CLASP1: variants seen among roughly 807,000 people sequenced by gnomAD.
CLASP1 encodes CLIP-associating protein 1.
Under a neutral mutation model 192.3 loss-of-function variants are expected in CLASP1, and 38 were observed. That is an observed-to-expected ratio of 0.20 (90% CI 0.15 to 0.26). CLASP1 has a LOEUF of 0.26. Among genes scored for constraint, CLASP1 ranks in the 10% least tolerant of loss-of-function variants. The pLI, the probability that CLASP1 is intolerant of heterozygous loss-of-function variation, is 1.00. For missense variants in CLASP1, 1,433 were observed against 1,932.5 expected, an observed-to-expected ratio of 0.74 and a Z score of 4.85; for synonymous variants, 691 against 712.8, an observed-to-expected ratio of 0.97 and a Z score of 0.49.
intron 2 of CLASP1, chr2:121,531,040 A>C (rs374980404): frequency 3.0e-5 from 21 of 699,036 alleles, no homozygotes; most frequent in South Asian, 5.9e-5. Context: ...TTATCAGTTC[A>C]AACAGCAGTA....
At chr2:121,427,285 C>T (rs2080574157) in intron 21 of CLASP1, 119 bp downstream of exon 21, 1 of 1,256,760 alleles carries the variant, frequency 8.0e-7, no homozygotes, top group East Asian at 2.6e-5. Flanking sequence ...AAGAAAAACG[C>T]AGAAAGATTA....
intron 1 of CLASP1, among the ~76,000 whole-genome samples, chr2:121,615,507 C>A (rs1036019590): frequency 6.6e-6 from 1 of 151,830 alleles, no homozygotes; most frequent in Non-Finnish European, 1.5e-5. Flanking sequence ...GTTAAAAAAA[C>A]AAAAACAGGT....
At position 121,382,441 on chromosome 2, in the gene CLASP1, T is replaced by C; in HGVS notation, c.3375-117A>G. 7.5e-6 allele frequency: 5 copies of C among 665,404 alleles called. No homozygotes were observed. The South Asian group carries it at 1.1e-4, about 14-fold the overall frequency. The allele number at this position is 665,404 out of a possible 1,614,324, so 41.2% of individuals were successfully genotyped here. A position where few individuals can be genotyped will look rare whatever the true frequency, so the allele number is the denominator to read the frequency against. ...CTCTTCTTTCCTTGACAAAGTTCTA[T>C]TAAAGTTAATCAGAGCAAAATTAGC... On this transcript the variant is annotated intron_variant, in intron 32 of 39. Transcript: ENST00000263710.
At chr2:121,395,917 A>G (rs568576885) in intron 30 of CLASP1, among the ~76,000 whole-genome samples, 435 of 152,354 alleles carry the variant, frequency 2.9e-3, no homozygotes, top group African/African-American at 9.6e-3. Context: ...TGCAAGAACC[A>G]GATCAAGACT....
chr2:121,515,674 G>T, exon 7 of CLASP1: 1 of 1,613,762 alleles, frequency 6.2e-7, no homozygotes, highest in Non-Finnish European at 8.5e-7. Flanking sequence ...CCGGGACTGT[G>T]GCAATCCTTT....
rs578104690 is a variant in CLASP1, at chr2:121,531,519, C to CG, written c.196-1195dup. Among the ~76,000 whole-genome samples, 903 of 145,138 alleles carry CG rather than the reference C, an allele frequency of 6.2e-3. 5 individuals are homozygous for CG. Among genetic ancestry groups the CG allele is most frequent in the Admixed American group, 0.01 (147 of 14,384 alleles). On this transcript the variant is annotated intron_variant, in intron 2 of 39. Coordinates refer to ENST00000263710, the Ensembl canonical transcript of CLASP1. ...CTGAGGCAGGAGAATGGCGTGAATCCGGGGGGGTGGAGCCTGCAGTGAGCA... is the reference window on the plus strand; with the variant it reads ...CTGAGGCAGGAGAATGGCGTGAATCCGGGGGGGGTGGAGCCTGCAGTGAGCA...
intron 6 of CLASP1, among the ~76,000 whole-genome samples, chr2:121,525,636 A>G (rs546699785): frequency 2.0e-5 from 3 of 152,266 alleles, no homozygotes; most frequent in Non-Finnish European, 4.4e-5. Context: ...TGGCCACCAC[A>G]TTTACCAATT....
At chr2:121,575,623 A>T (rs2060440794) in intron 2 of CLASP1, among the ~76,000 whole-genome samples, 1 of 152,194 alleles carries the variant, frequency 6.6e-6, no homozygotes, top group Non-Finnish European at 1.5e-5. Flanking sequence ...CAAACCAGGA[A>T]GCAAAGGCTC....
chr2:121,634,366 G>A (rs1026717992), intron 1 of CLASP1, among the ~76,000 whole-genome samples: 2 of 152,190 alleles, frequency 1.3e-5, no homozygotes, highest in East Asian at 3.9e-4. Context: ...TTTAATGTCA[G>A]CAGTTTCTTT....
At chr2:121,647,039 CA>C (rs36066876) in intron 1 of CLASP1, among the ~76,000 whole-genome samples, 24,899 of 71,834 alleles carry the variant, frequency 0.35, 2,592 homozygotes, top group African/African-American at 0.49. Context: ...GACTCCATCT[CA>C]AAAAAAAAAA....
intron 1 of CLASP1, among the ~76,000 whole-genome samples, chr2:121,622,269 T>C (rs2067492372): frequency 6.6e-6 from 1 of 152,072 alleles, no homozygotes; most frequent in South Asian, 2.1e-4. Flanking sequence ...TGATGTTTTA[T>C]AGTTCAGAAT....
intron 1 of CLASP1, among the ~76,000 whole-genome samples, chr2:121,607,315 G>C (rs1050551384): frequency 1.3e-5 from 2 of 152,282 alleles, no homozygotes; most frequent in East Asian, 3.9e-4. Flanking sequence ...CTCCAGCCTG[G>C]GTGACAGAGC....
Position 121,365,112 on chromosome 2 carries a change from C to T in CLASP1, c.4059G>A (p.Glu1353=), listed in dbSNP as rs547788388. ...ATCTCACGTCTTTGTCTCCAAGGGT[C>T]TCCAGCAGCAGGAGCAGAATGGTCT... Residue 1353 remains glutamate (E), a synonymous_variant, in exon 36 of 40, where the codon GAG becomes GAA. Transcript: ENST00000263710. 3.2e-5 allele frequency: 52 copies of T among 1,613,998 alleles called. No individual in the cohort carries two copies. The South Asian group carries it at 4.8e-4, about 15-fold the overall frequency.
chr2:121,608,871 C>CAAT (rs947739860), intron 1 of CLASP1, among the ~76,000 whole-genome samples: 9 of 151,696 alleles, frequency 5.9e-5, no homozygotes, highest in Admixed American at 2.0e-4. Flanking sequence ...AGATACTAAC[C>CAAT]AATAATAATA....
intron 2 of CLASP1, among the ~76,000 whole-genome samples, chr2:121,558,662 T>C (rs1268598061): frequency 6.6e-6 from 1 of 152,170 alleles, no homozygotes. Flanking sequence ...GAGGTGGCCC[T>C]TTGACTCTGG....
chr2:121,374,189 T>C (rs1343576114), intron 34 of CLASP1, among the ~76,000 whole-genome samples: 1 of 152,246 alleles, frequency 6.6e-6, no homozygotes, highest in South Asian at 2.1e-4. Flanking sequence ...GCTCCAGCTA[T>C]GGCTAAAAGG....
At position 121,388,377 on chromosome 2, in the gene CLASP1, C is replaced by T. The variant is rs1019148139; in HGVS notation, c.3124-471G>A. Among the ~76,000 whole-genome samples, 4 of 152,112 alleles carry T rather than the reference C, an allele frequency of 2.6e-5. No individual in the cohort carries two copies. In the South Asian group the frequency reaches 6.2e-4, roughly 24 times the overall value. ...CTCTTGACTAAGAAACATGAGAAAA[C>T]GAGTATAAATACCTCAGAAAAACTT... On this transcript the variant is annotated intron_variant, in intron 30 of 39. Transcript: ENST00000263710.
intron 30 of CLASP1, among the ~76,000 whole-genome samples, chr2:121,390,528 C>T (rs1389934884): frequency 2.0e-5 from 3 of 152,222 alleles, no homozygotes; most frequent in African/African-American, 7.2e-5. Context: ...TTCTTCACAT[C>T]TCACTGCTAC....
At chr2:121,451,509 C>T (rs1273028788) in intron 15 of CLASP1, among the ~76,000 whole-genome samples, 1 of 152,206 alleles carries the variant, frequency 6.6e-6, no homozygotes, top group Admixed American at 6.5e-5. Flanking sequence ...CTCATGGGAA[C>T]TGACAGGAAT....
Sources: allele counts gnomAD v4.1 joint callset (sites outside exome capture counted in the v4.1 genomes callset), GRCh38; gene constraint gnomAD v4.1.1; transcripts MANE v1.5; gene names NCBI Gene and HGNC (gene_info 2026-07-23, HGNC 2026-07-21).